ZDHHC3: variants seen among roughly 807,000 people sequenced by gnomAD.
The protein encoded by ZDHHC3 is palmitoyltransferase ZDHHC3.
Under a neutral mutation model 30.6 loss-of-function variants are expected in ZDHHC3, and 9 were observed. That is an observed-to-expected ratio of 0.29 (90% confidence interval 0.18 to 0.51). The LOEUF is 0.51. Ranked by LOEUF, ZDHHC3 falls within the 20% of genes least tolerant of loss-of-function variation. ZDHHC3 has a pLI of 0.97. For synonymous variants in ZDHHC3, 136 were observed against 140.2 expected (o/e 0.97, Z 0.21); for missense variants, 246 against 384.2 (o/e 0.64, Z 3.01).
chr3:44,956,315 C>T (rs1703951762), intron 2 of ZDHHC3, among the ~76,000 whole-genome samples: 1 of 152,210 alleles, frequency 6.6e-6, no homozygotes, highest in South Asian at 2.1e-4. Context: ...TATCTACTGC[C>T]CACCTAGCAT....
intron 3 of ZDHHC3, among the ~76,000 whole-genome samples, chr3:44,934,526 C>A (rs1324913260): frequency 6.7e-6 from 1 of 149,452 alleles, no homozygotes; most frequent in Non-Finnish European, 1.5e-5. Flanking sequence ...CAGCAGGAGG[C>A]CCAGCTCCAA....
chr3:44,967,887 G>A (rs1705086588), intron 1 of ZDHHC3, among the ~76,000 whole-genome samples: 1 of 152,188 alleles, frequency 6.6e-6, no homozygotes, highest in Admixed American at 6.5e-5. Flanking sequence ...TACAGCAATG[G>A]AGATGGGCAT....
intron 1 of ZDHHC3, among the ~76,000 whole-genome samples, chr3:44,967,946 C>T (rs979635380): frequency 3.3e-5 from 5 of 152,152 alleles, no homozygotes; most frequent in East Asian, 1.9e-4. Context: ...CAAAGCAGCT[C>T]GTTTTAATTC....
intron 2 of ZDHHC3, among the ~76,000 whole-genome samples, chr3:44,948,069 G>A (rs541996124): frequency 1.3e-5 from 2 of 152,180 alleles, no homozygotes; most frequent in Admixed American, 6.5e-5. Flanking sequence ...CCACTCCTCA[G>A]TAGGCACCCA....
chr3:44,948,948 G>A (rs1244205575), intron 2 of ZDHHC3, among the ~76,000 whole-genome samples: 3 of 152,240 alleles, frequency 2.0e-5, no homozygotes, highest in Admixed American at 6.5e-5. Flanking sequence ...ACAAGGAGCA[G>A]GAGACAAGGA....
At chr3:44,935,197 T>C (rs886469876) in intron 3 of ZDHHC3, among the ~76,000 whole-genome samples, 3 of 152,236 alleles carry the variant, frequency 2.0e-5, no homozygotes, top group African/African-American at 4.8e-5. Flanking sequence ...ATTTAATTAT[T>C]AGGCCTAGAG....
At chr3:44,949,346 A>AG (rs1703233214) in intron 2 of ZDHHC3, among the ~76,000 whole-genome samples, 1 of 152,116 alleles carries the variant, frequency 6.6e-6, no homozygotes. Context: ...AAGAAAAAAA[A>AG]TGTGTGGTGG....
At chr3:44,929,083 G>C (rs759241609) in intron 6 of ZDHHC3, among the ~76,000 whole-genome samples, 1 of 152,192 alleles carries the variant, frequency 6.6e-6, no homozygotes, top group Non-Finnish European at 1.5e-5. Flanking sequence ...ACGGCTGCTG[G>C]GCCGCACTCC....
chr3:44,968,309 T>TA (rs1240555675), intron 1 of ZDHHC3, among the ~76,000 whole-genome samples: 54 of 150,208 alleles, frequency 3.6e-4, no homozygotes, highest in African/African-American at 9.3e-4. Context: ...TCTGACTCTT[T>TA]AAAAAAAAAC....
In ZDHHC3 at chr3:44,925,433, C is replaced by T; in HGVS notation, c.*1256G>A. 1.0e-6 allele frequency: 1 copy of T among 985,496 alleles called. No individual in the cohort carries two copies. 61.0% of individuals were successfully genotyped at this position (985,496 alleles called of 1,614,324 possible). Reference sequence around the variant, plus strand: ...TCAATAATCATATTTGTTATTTTTGCACTTGGAGGGCACTCCCTACCTCCT... The same window carrying T: ...TCAATAATCATATTTGTTATTTTTGTACTTGGAGGGCACTCCCTACCTCCT... On this transcript the variant is annotated 3_prime_UTR_variant, in exon 7 of 7. Coordinates refer to ENST00000424952, the MANE Select transcript of ZDHHC3 (RefSeq NM_001135179.2).
Position 44,976,156 on chromosome 3 carries a change from A to T in ZDHHC3, c.-248T>A. On this transcript the variant is annotated 5_prime_UTR_variant, in exon 1 of 7. Transcript: ENST00000424952. Reference sequence around the variant, plus strand: ...CAGTGGCGGCGGCCGCGGCTGCAGGAGCGGCCGCCGCGCAGGTTGATGACG... The same window carrying T: ...CAGTGGCGGCGGCCGCGGCTGCAGGTGCGGCCGCCGCGCAGGTTGATGACG... 1.3e-6 allele frequency: 1 copy of T among 756,970 alleles called. No homozygotes were observed. Among genetic ancestry groups the T allele is most frequent in the Non-Finnish European group, 1.8e-6 (1 of 552,232 alleles). The allele number at this position is 756,970 out of a possible 1,614,324, so 46.9% of individuals were successfully genotyped here.
chr3:44,932,035 T>C (rs973927503), intron 5 of ZDHHC3, among the ~76,000 whole-genome samples: 2 of 152,228 alleles, frequency 1.3e-5, no homozygotes, highest in African/African-American at 4.8e-5. Flanking sequence ...CCCTATCACC[T>C]GCCCAAGTCT....
chr3:44,955,205 C>T (rs2125897636), intron 2 of ZDHHC3, among the ~76,000 whole-genome samples: 1 of 152,296 alleles, frequency 6.6e-6, no homozygotes, highest in East Asian at 1.9e-4. Flanking sequence ...GTTTAGAGAC[C>T]TGTCCCTTTT....
At chr3:44,951,348 T>G (rs1293660562) in intron 2 of ZDHHC3, among the ~76,000 whole-genome samples, 3 of 152,190 alleles carry the variant, frequency 2.0e-5, no homozygotes, top group Admixed American at 6.5e-5. Flanking sequence ...AGGAACATAA[T>G]GGTACTTGTA....
chr3:44,925,548 C>G lies in ZDHHC3; in HGVS notation c.*1141G>C. 2 of 985,484 alleles carry G rather than the reference C, an allele frequency of 2.0e-6. No individual in the cohort carries two copies. Among genetic ancestry groups the G allele is most frequent in the Non-Finnish European group, 2.4e-6 (2 of 829,954 alleles). The allele number at this position is 985,484 out of a possible 1,614,324, so 61.0% of individuals were successfully genotyped here. On this transcript the variant is annotated 3_prime_UTR_variant, in exon 7 of 7. Coordinates refer to ENST00000424952, the MANE Select transcript of ZDHHC3 (RefSeq NM_001135179.2). ...GAAAATCTATTCTGTCCCAGTGCCA[C>G]AGGCTTAGGTGTGTCTGTGGATTCT... is the stretch of plus-strand genomic sequence containing the variant.
chr3:44,966,545 G>A (rs1052991491), intron 1 of ZDHHC3, among the ~76,000 whole-genome samples: 1 of 152,114 alleles, frequency 6.6e-6, no homozygotes, highest in African/African-American at 2.4e-5. Flanking sequence ...GGTTTAAATC[G>A]TACAGTCTTA....
At chr3:44,975,497 G>C (rs1351473068) in intron 1 of ZDHHC3, 1 of 152,164 alleles carries the variant, frequency 6.6e-6, no homozygotes, top group Non-Finnish European at 1.5e-5. Context: ...GAGGCAAGAG[G>C]TCCCAGCAAG....
chr3:44,924,207 T>C lies in ZDHHC3; in HGVS notation c.*2482A>G, dbSNP rs1467485431. 1 of 985,350 alleles carries C rather than the reference T, an allele frequency of 1.0e-6. No homozygotes were observed. Among genetic ancestry groups the C allele is most frequent in the African/African-American group, 1.7e-5 (1 of 57,252 alleles). 61.0% of individuals were successfully genotyped at this position (985,350 alleles called of 1,614,324 possible). A position where few individuals can be genotyped will look rare whatever the true frequency, so the allele number is the denominator to read the frequency against. On this transcript the variant is annotated 3_prime_UTR_variant, in exon 7 of 7. Transcript: ENST00000424952. ...TTGTGTAGAAAGATGTCCTCTTTCATTACATCCGGAAATACTGAGGAGAGC... is the reference window on the plus strand; with the variant it reads ...TTGTGTAGAAAGATGTCCTCTTTCACTACATCCGGAAATACTGAGGAGAGC...
chr3:44,929,285 T>C (rs1701279611), intron 6 of ZDHHC3, 21 bp downstream of exon 6: 2 of 1,612,266 alleles, frequency 1.2e-6, no homozygotes, highest in South Asian at 1.1e-5. Flanking sequence ...GTGGAAATGG[T>C]GGGCAGAGCC....
Sources: allele counts gnomAD v4.1 joint callset (sites outside exome capture counted in the v4.1 genomes callset), GRCh38; gene constraint gnomAD v4.1.1; transcripts MANE v1.5; gene names NCBI Gene and HGNC (gene_info 2026-07-23, HGNC 2026-07-21).